The following HPSE2 variants were observed in gnomAD, a reference collection of about 807,000 sequenced individuals.
HPSE2 encodes the protein heparanase 2 (inactive), also known as inactive heparanase-2.
Under a neutral mutation model 60.5 loss-of-function variants are expected in HPSE2, and 38 were observed. The observed-to-expected ratio is 0.63, with a 90% CI of 0.48 to 0.82. The LOEUF (loss-of-function observed/expected upper bound fraction) is 0.82. Ranked by LOEUF, HPSE2 falls within the 40% of genes least tolerant of loss-of-function variation. The pLI is 0.00. For synonymous variants in HPSE2, 295 were observed against 293.2 expected, an observed-to-expected ratio of 1.01 and a Z score of -0.06; for missense variants, 713 against 740.4, an observed-to-expected ratio of 0.96 and a Z score of 0.43.
intron 2 of HPSE2, among the ~76,000 whole-genome samples, chr10:99,160,001 C>T (rs960774820): frequency 1.3e-5 from 2 of 151,740 alleles, no homozygotes; most frequent in African/African-American, 2.4e-5. Flanking sequence ...GTTAGCCAGG[C>T]ATGGTGGCAC....
chr10:99,122,848 T>C (rs1465963726), intron 3 of HPSE2, among the ~76,000 whole-genome samples: 1 of 151,986 alleles, frequency 6.6e-6, no homozygotes, highest in Non-Finnish European at 1.5e-5. Context: ...CAAGTAAATC[T>C]TTAAAAAGAA....
At chr10:98,902,442 G>A (rs1479474439) in intron 3 of HPSE2, among the ~76,000 whole-genome samples, 1 of 152,062 alleles carries the variant, frequency 6.6e-6, no homozygotes. Flanking sequence ...CCATGTTAAG[G>A]TGCTGCCTAT....
intron 3 of HPSE2, among the ~76,000 whole-genome samples, chr10:99,021,735 T>C (rs544240569): frequency 3.8e-4 from 58 of 150,946 alleles, no homozygotes; most frequent in Non-Finnish European, 6.6e-4. Flanking sequence ...GCCTTAATAA[T>C]AGCAAGATGG....
In HPSE2 at chr10:98,704,016, C is replaced by T. The variant is rs139184702; in HGVS notation, c.957-10069G>A. Among the ~76,000 whole-genome samples the T allele has an allele frequency of 6.0e-3, 907 of 152,218 alleles. 5 individuals carry two copies. The highest frequency in any genetic ancestry group is 0.021 in the African/African-American group (859 of 41,514). ...AAGACATGATTCTGTATTTAGAAAACCCCATCATCTCAGCCCAAAAACTCC... is the reference window on the plus strand; with the variant it reads ...AAGACATGATTCTGTATTTAGAAAATCCCATCATCTCAGCCCAAAAACTCC... On this transcript the variant is annotated intron_variant, in intron 5 of 11. Coordinates refer to ENST00000370552, the MANE Select transcript of HPSE2 (RefSeq NM_021828.5).
rs145842198 is a variant in HPSE2 at position 98,970,254 on chromosome 10, C to T, written c.610+173984G>A. On this transcript the variant is annotated intron_variant, in intron 3 of 11. Coordinates refer to ENST00000370552, the MANE Select transcript of HPSE2 (RefSeq NM_021828.5). ...CTGGGCTTACAGGCCTGAGCCACCA[C>T]GCCCGGCCTGTCACCCACTTTTAAA... Among the ~76,000 whole-genome samples, 154 of 152,076 alleles carry T rather than the reference C, an allele frequency of 1.0e-3. 2 individuals are homozygous for T. The highest frequency in any genetic ancestry group is 3.4e-3 in the African/African-American group (139 of 41,436).
chr10:98,772,507 T>C (rs572114181), intron 3 of HPSE2, among the ~76,000 whole-genome samples: 1 of 152,192 alleles, frequency 6.6e-6, no homozygotes, highest in Non-Finnish European at 1.5e-5. Context: ...CCTATGGTCA[T>C]TTACTCAGGT....
At chr10:99,310,428 A>C in the HPSE2 span, among the ~76,000 whole-genome samples, 1 of 152,214 alleles carries the variant, frequency 6.6e-6, no homozygotes. Context: ...AAGAAAAGAA[A>C]AACCTACAGT....
intron 2 of HPSE2, among the ~76,000 whole-genome samples, chr10:99,159,701 A>C (rs1267281649): frequency 1.3e-5 from 2 of 152,204 alleles, no homozygotes; most frequent in South Asian, 2.1e-4. Context: ...TAAAGCTATA[A>C]ATTTTCTAGA....
chr10:99,186,104 CCACACACACACACACACACA>C (rs527839752), intron 2 of HPSE2, among the ~76,000 whole-genome samples: 22 of 80,756 alleles, frequency 2.7e-4, no homozygotes, highest in South Asian at 1.8e-3. Flanking sequence ...GGATAAATAA[CCACACACACACACACACACA>C]CACACACACA....
chr10:99,117,030 G>A (rs10883273), intron 3 of HPSE2, among the ~76,000 whole-genome samples: 74,654 of 151,718 alleles, frequency 0.49, 20,803 homozygotes, highest in East Asian at 0.65. Flanking sequence ...AAAGAAAAAC[G>A]AAAAGAAAGA....
intron 3 of HPSE2, among the ~76,000 whole-genome samples, chr10:99,129,203 TCAC>T (rs2135730878): frequency 6.6e-6 from 1 of 152,132 alleles, no homozygotes; most frequent in African/African-American, 2.4e-5. Flanking sequence ...CTTCAATATT[TCAC>T]TGACAGCACT....
rs1381321666 is a variant in HPSE2, at chr10:98,933,278, G to C, written c.611-189222C>G. On this transcript the variant is annotated intron_variant, in intron 3 of 11. Coordinates refer to ENST00000370552, the MANE Select transcript of HPSE2 (RefSeq NM_021828.5). Reference sequence around the variant, plus strand: ...TTTCCATGTAGTGGTGTGGTTTTGAGTGGGCTTTTTAATCTTGAGTTTTAA... The same window carrying C: ...TTTCCATGTAGTGGTGTGGTTTTGACTGGGCTTTTTAATCTTGAGTTTTAA... Among the ~76,000 whole-genome samples, 8 of 144,160 alleles carry C rather than the reference G, an allele frequency of 5.5e-5. 2 individuals carry two copies. The highest frequency in any genetic ancestry group is 2.1e-4 in the Admixed American group (3 of 14,550). 94.6% of individuals were successfully genotyped at this position (144,160 alleles called of 152,430 possible).
At chr10:98,905,293 A>C (rs1953781548) in intron 3 of HPSE2, among the ~76,000 whole-genome samples, 1 of 150,824 alleles carries the variant, frequency 6.6e-6, no homozygotes, top group Non-Finnish European at 1.5e-5. Context: ...TATATCTCCC[A>C]ATGCTATCCC....
At chr10:99,296,833 G>A in the HPSE2 span, among the ~76,000 whole-genome samples, 1 of 152,152 alleles carries the variant, frequency 6.6e-6, no homozygotes, top group East Asian at 1.9e-4. Flanking sequence ...TGGCCAGGCG[G>A]CAGTCAGAGA....
chr10:98,730,201 C>A, intron 4 of HPSE2, among the ~76,000 whole-genome samples: 1 of 151,374 alleles, frequency 6.6e-6, no homozygotes, highest in African/African-American at 2.4e-5. Context: ...TGAGAAATCC[C>A]CAAATATTTG....
intron 3 of HPSE2, among the ~76,000 whole-genome samples, chr10:98,827,997 T>A (rs1266204124): frequency 6.6e-6 from 1 of 152,196 alleles, no homozygotes; most frequent in Non-Finnish European, 1.5e-5. Flanking sequence ...TTGAAAAGAT[T>A]GGCCTCCCCA....
intron 1 of HPSE2, among the ~76,000 whole-genome samples, chr10:99,232,871 T>G (rs1000921845): frequency 6.6e-6 from 1 of 152,278 alleles, no homozygotes; most frequent in African/African-American, 2.4e-5. Context: ...CTTCTGCCAC[T>G]GCCAGGAAAG....
chr10:98,969,958 T>A (rs1341495833), intron 3 of HPSE2, among the ~76,000 whole-genome samples: 1 of 137,572 alleles, frequency 7.3e-6, no homozygotes, highest in African/African-American at 2.9e-5. Flanking sequence ...GGAACAGCTG[T>A]CACCCACTTT....
chr10:99,064,409 G>GT (rs1406667018), intron 3 of HPSE2, among the ~76,000 whole-genome samples: 1 of 152,090 alleles, frequency 6.6e-6, no homozygotes, highest in African/African-American at 2.4e-5. Context: ...CATAAGCAGT[G>GT]TAAGTTACTG....
Sources: gnomAD v4.1 joint callset for allele counts (sites outside exome capture counted in the v4.1 genomes callset) on GRCh38, gnomAD v4.1.1 for gene constraint, MANE v1.5 for transcripts, NCBI Gene and HGNC (gene_info 2026-07-23, HGNC 2026-07-21) for gene names.